DLG2: variants seen among roughly 807,000 people sequenced by gnomAD.
DLG2 encodes the protein discs large MAGUK scaffold protein 2.
DLG2 carries 45 observed loss-of-function variants against 132.5 expected under a neutral mutation model. The observed-to-expected ratio is 0.34, with a 90% confidence interval of 0.27 to 0.44. DLG2 has a LOEUF of 0.44. DLG2 is among the 20% of genes least tolerant of loss of function. The pLI, the probability that DLG2 is intolerant of heterozygous loss-of-function variation, is 1.00. For missense variants in DLG2, 1,045 were observed against 1,196.9 expected (o/e 0.87, Z 1.87); for synonymous variants, 424 against 419.6 (o/e 1.01, Z -0.13).
intron 6 of DLG2, chr11:84,955,627 C>T (rs2051553515): frequency 6.6e-6 from 1 of 152,112 alleles, no homozygotes; most frequent in African/African-American, 2.4e-5. Context: ...CAACAGAAAA[C>T]AAGACTATGA....
chr11:83,980,583 T>C lies in DLG2; in HGVS notation c.979A>G (p.Ile327Val). 6.2e-7 allele frequency: 1 copy of C among 1,613,802 alleles called. No homozygotes were observed. The highest frequency in any genetic ancestry group is 8.5e-7 in the Non-Finnish European group (1 of 1,179,836). Residue 327 changes from isoleucine to valine, a missense_variant, in exon 12 of 28, where the codon ATT becomes GTT. This residue lies in a region of DLG2 where 109 missense variants were observed against 159.1 expected (regional missense o/e 0.69). Transcript: ENST00000376104. Reference protein sequence around the residue: ...GNQHIPGDNSIYVTKIIDGGA... With the variant: ...GNQHIPGDNSVYVTKIIDGGA... ...CCATCTATAATTTTAGTTACATAAA[T>C]GCTGTTGTCTCCAGGAATGTGTTGG... is the stretch of plus-strand genomic sequence containing the variant.
At chr11:85,015,799 T>C (rs1331466442) in intron 6 of DLG2, among the ~76,000 whole-genome samples, 3 of 152,146 alleles carry the variant, frequency 2.0e-5, no homozygotes, top group Non-Finnish European at 4.4e-5. Flanking sequence ...AAGTGTTATA[T>C]GGAACTTCGT....
At chr11:84,502,247 C>CTTCCTTCCTTCCTTCTTTCTTTCT (rs2099214184) in intron 7 of DLG2, among the ~76,000 whole-genome samples, 1 of 35,198 alleles carries the variant, frequency 2.8e-5, no homozygotes, top group Admixed American at 2.2e-4. Context: ...TCCTTCCTTC[C>CTTCCTTCCTTCCTTCTTTCTTTCT]TTCCTTCCTT....
At chr11:84,461,284 G>T (rs556368800) in intron 7 of DLG2, among the ~76,000 whole-genome samples, 104 of 150,804 alleles carry the variant, frequency 6.9e-4, no homozygotes, top group Middle Eastern at 3.4e-3. Flanking sequence ...GAAAATGGAG[G>T]CTTAGAATTT....
At chr11:85,247,803 A>C (rs895287453) in intron 4 of DLG2, among the ~76,000 whole-genome samples, 1 of 151,980 alleles carries the variant, frequency 6.6e-6, no homozygotes, top group Non-Finnish European at 1.5e-5. Flanking sequence ...CTAGCTCATC[A>C]TTTTCCTAAA....
intron 3 of DLG2, among the ~76,000 whole-genome samples, chr11:85,481,554 C>A (rs767056717): frequency 6.6e-6 from 1 of 152,036 alleles, no homozygotes; most frequent in Non-Finnish European, 1.5e-5. Flanking sequence ...AAGACTTTGC[C>A]TCAGATTCCA....
At chr11:83,681,097 C>T (rs564635488) in intron 18 of DLG2, among the ~76,000 whole-genome samples, 2 of 152,182 alleles carry the variant, frequency 1.3e-5, no homozygotes. Context: ...ACACTTGAAA[C>T]ATTTGAAAAA....
chr11:85,281,167 G>A (rs1381356587), intron 4 of DLG2, among the ~76,000 whole-genome samples: 2 of 151,962 alleles, frequency 1.3e-5, no homozygotes, highest in Non-Finnish European at 2.9e-5. Flanking sequence ...TTCAAAAAAC[G>A]GTAGGTGAAA....
At chr11:85,518,270 G>C (rs577892472) in intron 3 of DLG2, among the ~76,000 whole-genome samples, 1 of 152,182 alleles carries the variant, frequency 6.6e-6, no homozygotes, top group Non-Finnish European at 1.5e-5. Flanking sequence ...ACTTCCTGGA[G>C]ACTTCTTGAA....
chr11:84,205,855 T>C lies in DLG2; in HGVS notation c.574-42344A>G, dbSNP rs1423408854. 4.6e-5 allele frequency among the ~76,000 whole-genome samples: 7 copies of C among 152,020 alleles called. 1 individual carries two copies. The highest frequency in any genetic ancestry group is 4.1e-4 in the South Asian group (2 of 4,820). The stretch of plus-strand genomic sequence containing the variant: ...TAATGAAGGACAGAAGTCAGTGAAA[T>C]AGAAAGCAAGCAAACAATAGAAGAT... On this transcript the variant is annotated intron_variant, in intron 8 of 27. Coordinates refer to ENST00000376104, the MANE Select transcript of DLG2 (RefSeq NM_001142699.3).
chr11:83,852,106 C>T (rs904776151), intron 16 of DLG2, among the ~76,000 whole-genome samples: 14 of 152,090 alleles, frequency 9.2e-5, no homozygotes, highest in African/African-American at 3.1e-4. Flanking sequence ...GGGACCAGGG[C>T]CTGCTAACAC....
At chr11:84,515,222 TA>T (rs2099268900) in intron 7 of DLG2, among the ~76,000 whole-genome samples, 1 of 151,376 alleles carries the variant, frequency 6.6e-6, no homozygotes, top group Non-Finnish European at 1.5e-5. Context: ...TACTTAAATA[TA>T]AATAGATTAA....
chr11:84,956,629 T>C (rs192303949), intron 6 of DLG2, among the ~76,000 whole-genome samples: 24 of 152,310 alleles, frequency 1.6e-4, no homozygotes, highest in African/African-American at 5.1e-4. Context: ...ATGAGAATAG[T>C]AGCCTTGGCC....
At chr11:84,767,070 A>G (rs1227446492) in intron 6 of DLG2, among the ~76,000 whole-genome samples, 1 of 152,056 alleles carries the variant, frequency 6.6e-6, no homozygotes, top group African/African-American at 2.4e-5. Flanking sequence ...TTTCAGTCTC[A>G]GTTTTCTTAT....
intron 12 of DLG2, among the ~76,000 whole-genome samples, chr11:83,977,404 T>C (rs1221093678): frequency 1.3e-5 from 2 of 152,068 alleles, no homozygotes; most frequent in Non-Finnish European, 1.5e-5. Flanking sequence ...CTCCACCTTA[T>C]ATACTATTCA....
At chr11:83,672,161 CCTTCCCTTT>C (rs1189998698) in intron 18 of DLG2, among the ~76,000 whole-genome samples, 5 of 151,830 alleles carry the variant, frequency 3.3e-5, no homozygotes, top group African/African-American at 1.2e-4. Context: ...TCCTTCCCTT[CCTTCCCTTT>C]CTTCCCCTTC....
At chr11:84,122,149 C>T (rs981772507) in intron 9 of DLG2, among the ~76,000 whole-genome samples, 3 of 151,652 alleles carry the variant, frequency 2.0e-5, no homozygotes, top group South Asian at 2.1e-4. Context: ...AGTGAAACCC[C>T]ATCTCTACTG....
chr11:84,461,092 G>A (rs1214277676), intron 7 of DLG2, among the ~76,000 whole-genome samples: 1 of 150,678 alleles, frequency 6.6e-6, no homozygotes, highest in African/African-American at 2.4e-5. Flanking sequence ...ACTGCATTAG[G>A]AAGACTATGA....
intron 16 of DLG2, among the ~76,000 whole-genome samples, chr11:83,839,971 T>G (rs1296307058): frequency 6.6e-6 from 1 of 152,158 alleles, no homozygotes; most frequent in Non-Finnish European, 1.5e-5. Flanking sequence ...TCCAAATACA[T>G]TCTCCTCCCT....
Sources: allele counts gnomAD v4.1 joint callset (sites outside exome capture counted in the v4.1 genomes callset), GRCh38; gene constraint gnomAD v4.1.1; regional missense constraint gnomAD v4.1.1; transcripts MANE v1.5; gene names NCBI Gene and HGNC (gene_info 2026-07-23, HGNC 2026-07-21).